The following DIP2C variants were observed in gnomAD, a reference collection of about 807,000 sequenced individuals.
The protein encoded by DIP2C is DIP2 acetate--CoA ligase C (putative), also known as disco-interacting protein 2 homolog C.
In DIP2C, 33 loss-of-function variants were observed where a neutral mutation model predicts 192.4. The observed-to-expected ratio is 0.17, with a 90% CI of 0.13 to 0.23. DIP2C has a LOEUF of 0.23. Among genes scored for constraint, DIP2C ranks in the 10% least tolerant of loss-of-function variants. DIP2C has a pLI of 1.00. For synonymous variants in DIP2C, 979 were observed against 864.1 expected, an observed-to-expected ratio of 1.13 and a Z score of -2.33; for missense variants, 1,537 against 2,110.1, an observed-to-expected ratio of 0.73 and a Z score of 5.32.
chr10:657,899 C>T (rs1197511759), intron 1 of DIP2C, among the ~76,000 whole-genome samples: 32 of 151,858 alleles, frequency 2.1e-4, no homozygotes, highest in South Asian at 6.2e-4. Flanking sequence ...CTGGACCTGC[C>T]GCTGGACCTG....
intron 1 of DIP2C, among the ~76,000 whole-genome samples, chr10:580,031 CTCTA>C (rs1850502918): frequency 6.6e-6 from 1 of 152,048 alleles, no homozygotes; most frequent in Admixed American, 6.5e-5. Flanking sequence ...GTACACGCAT[CTCTA>C]TCCAGTGTAC....
chr10:578,827 C>G (rs1008282524), intron 1 of DIP2C, among the ~76,000 whole-genome samples: 3 of 151,920 alleles, frequency 2.0e-5, no homozygotes, highest in Non-Finnish European at 4.4e-5. Flanking sequence ...AGAGAGCACA[C>G]ACATCCAGAT....
chr10:444,244 C>T (rs924399030), intron 3 of DIP2C, among the ~76,000 whole-genome samples: 17 of 151,124 alleles, frequency 1.1e-4, no homozygotes, highest in Non-Finnish European at 1.2e-4. Context: ...ATGGACTCCA[C>T]GCCATGGTGT....
intron 1 of DIP2C, chr10:650,484 C>A (rs749514474): frequency 4.5e-5 from 32 of 703,374 alleles, no homozygotes; most frequent in Middle Eastern, 4.6e-4. Flanking sequence ...TCCACGGCCA[C>A]TTCTACTGGG....
At chr10:593,437 G>C (rs969933222) in intron 1 of DIP2C, among the ~76,000 whole-genome samples, 3 of 150,106 alleles carry the variant, frequency 2.0e-5, no homozygotes, top group African/African-American at 4.9e-5. Context: ...TCTCCCAGCA[G>C]ACCCCACACC....
At chr10:680,314 C>T (rs1394884655) in intron 1 of DIP2C, among the ~76,000 whole-genome samples, 10 of 152,206 alleles carry the variant, frequency 6.6e-5, no homozygotes, top group African/African-American at 2.4e-4. Flanking sequence ...CACGGCCTGA[C>T]ATGAGCCCGG....
chr10:580,199 T>C (rs937625946), intron 1 of DIP2C, among the ~76,000 whole-genome samples: 2 of 151,290 alleles, frequency 1.3e-5, no homozygotes, highest in African/African-American at 2.4e-5. Flanking sequence ...TGTATACATA[T>C]GCACATATAT....
chr10:426,059 AAAG>A (rs1449627274), intron 4 of DIP2C, among the ~76,000 whole-genome samples: 22 of 152,352 alleles, frequency 1.4e-4, no homozygotes, highest in South Asian at 2.1e-4. Flanking sequence ...CCAGATTAGA[AAAG>A]AAGGAATAAA....
chr10:486,712 C>A (rs1050604068), intron 1 of DIP2C, among the ~76,000 whole-genome samples, 182 bp from the exon 2 acceptor site: 1 of 152,224 alleles, frequency 6.6e-6, no homozygotes, highest in Non-Finnish European at 1.5e-5. Context: ...CAAAAGCCCA[C>A]AGCATGTAAG....
At chr10:486,729 A>T (rs1844046833) in intron 1 of DIP2C, among the ~76,000 whole-genome samples, 199 bp from the exon 2 acceptor site, 1 of 152,184 alleles carries the variant, frequency 6.6e-6, no homozygotes, top group African/African-American at 2.4e-5. Context: ...TAAGTCACTA[A>T]AACTCATTTG....
Position 304,045 on chromosome 10 carries a change from T to C in DIP2C, c.3986+5986A>G, listed in dbSNP as rs186727451. Among the ~76,000 whole-genome samples the C allele has an allele frequency of 8.5e-5, 13 of 152,298 alleles. No individual in the cohort carries two copies. The East Asian group carries it at 2.5e-3, about 29-fold the overall frequency. On this transcript the variant is annotated intron_variant, in intron 32 of 36. Coordinates refer to ENST00000280886, the MANE Select transcript of DIP2C (RefSeq NM_014974.3). ...CCTCCTGAAGGACCTGCTGAGGCTG[T>C]CTTACAGTTAACTTTTTTATTGTTA...
intron 1 of DIP2C, among the ~76,000 whole-genome samples, chr10:545,166 C>CTTTTTTTT (rs60185327): frequency 9.4e-4 from 81 of 86,344 alleles, no homozygotes; most frequent in African/African-American, 3.4e-3. Context: ...GGTGTTTTCC[C>CTTTTTTTT]TTTTTTTTTT....
At chr10:384,491 G>A in intron 15 of DIP2C, 55 bp downstream of exon 15, 13 of 1,565,734 alleles carry the variant, frequency 8.3e-6, no homozygotes, top group Non-Finnish European at 1.1e-5. Flanking sequence ...ACCTGCTTTG[G>A]CCTCCTAAAG....
intron 1 of DIP2C, among the ~76,000 whole-genome samples, chr10:557,939 G>A (rs1027349750): frequency 2.9e-4 from 44 of 151,716 alleles, no homozygotes; most frequent in African/African-American, 9.9e-4. Flanking sequence ...CCCAGAGGGC[G>A]AAACCCTGGA....
intron 29 of DIP2C, among the ~76,000 whole-genome samples, chr10:330,087 G>A (rs1474513920): frequency 6.6e-6 from 1 of 152,138 alleles, no homozygotes; most frequent in East Asian, 1.9e-4. Flanking sequence ...TGAGCTGAGT[G>A]GTCAGAGACC....
At chr10:304,115 C>A (rs1234760599) in intron 32 of DIP2C, among the ~76,000 whole-genome samples, 1 of 152,174 alleles carries the variant, frequency 6.6e-6, no homozygotes, top group Non-Finnish European at 1.5e-5. Flanking sequence ...AAGGTAAGTA[C>A]ATAAACCGGC....
chr10:352,345 G>A (rs938903430), intron 24 of DIP2C, among the ~76,000 whole-genome samples: 1 of 152,232 alleles, frequency 6.6e-6, no homozygotes, highest in African/African-American at 2.4e-5. Context: ...CATGCATGCT[G>A]TCCTTTATCT....
intron 1 of DIP2C, among the ~76,000 whole-genome samples, chr10:662,324 T>C (rs1249697690): frequency 6.6e-6 from 1 of 152,242 alleles, no homozygotes; most frequent in Non-Finnish European, 1.5e-5. Context: ...CTTGATAATT[T>C]TGTGGCATTG....
intron 29 of DIP2C, among the ~76,000 whole-genome samples, chr10:337,100 TGC>T (rs1216660754): frequency 1.3e-4 from 16 of 119,728 alleles, no homozygotes; most frequent in Non-Finnish European, 2.0e-4. Flanking sequence ...GGTGTGTGTG[TGC>T]GTGTGTGTGT....
Sources: gnomAD v4.1 joint callset for allele counts (sites outside exome capture counted in the v4.1 genomes callset) on GRCh38, gnomAD v4.1.1 for gene constraint, MANE v1.5 for transcripts, NCBI Gene and HGNC (gene_info 2026-07-23, HGNC 2026-07-21) for gene names.